Variants in TEKT5 observed in about 807,000 individuals in gnomAD.
The protein encoded by TEKT5 is tektin 5, also known as tektin-5.
In TEKT5, 52 loss-of-function variants were observed where a neutral mutation model predicts 48.7. The ratio of observed to expected loss-of-function variants is 1.07; its 90% CI spans 0.86 to 1.35. The LOEUF is 1.35. TEKT5 is among the 40% of genes most tolerant of loss of function. The pLI, the probability that TEKT5 is intolerant of heterozygous loss-of-function variation, is 0.00. For synonymous variants in TEKT5, 318 were observed against 267.6 expected (o/e 1.19, Z -1.84); for missense variants, 831 against 641.6 (o/e 1.30, Z -3.19).
At chr16:10,668,585 T>C (rs1309064668) in intron 5 of TEKT5, among the ~76,000 whole-genome samples, 1 of 152,108 alleles carries the variant, frequency 6.6e-6, no homozygotes, top group African/African-American at 2.4e-5. Flanking sequence ...GGGCCTCAGA[T>C]CACCAGCAGG....
At position 10,659,529 on chromosome 16, in the gene TEKT5, A is replaced by G. The variant is rs530601556; in HGVS notation, c.1086+16430T>C. On this transcript the variant is annotated intron_variant, in intron 5 of 6. Coordinates refer to ENST00000283025, the MANE Select transcript of TEKT5 (RefSeq NM_144674.2). ...CGAGTAGCTGGGACTACAGGTGCCC[A>G]CCACCACACTTGGCTAATTTTTTGT... is the stretch of plus-strand genomic sequence containing the variant. Among the ~76,000 whole-genome samples the G allele has an allele frequency of 5.1e-3, 777 of 152,082 alleles. 5 individuals are homozygous for G. Among genetic ancestry groups the G allele is most frequent in the Non-Finnish European group, 7.4e-3 (500 of 67,972 alleles).
At chr16:10,632,725 G>T (rs536211801) in intron 6 of TEKT5, among the ~76,000 whole-genome samples, 1 of 152,238 alleles carries the variant, frequency 6.6e-6, no homozygotes, top group South Asian at 2.1e-4. Context: ...CCAAAGGCAG[G>T]AATGGAGAGG....
chr16:10,679,723 C>A (rs1162471660), intron 4 of TEKT5, among the ~76,000 whole-genome samples: 1 of 151,686 alleles, frequency 6.6e-6, no homozygotes, highest in Non-Finnish European at 1.5e-5. Context: ...GCAGAAACCC[C>A]ATCTCTATTA....
rs767441494 is a variant in TEKT5 at position 10,689,996 on chromosome 16, C to A, written c.594G>T (p.Glu198Asp). 6.2e-7 allele frequency: 1 copy of A among 1,614,130 alleles called. No homozygotes were observed. The highest frequency in any genetic ancestry group is 2.2e-5 in the East Asian group (1 of 44,880). ...GGACCAAATCAATCCCAATCCTCTT[C>A]TCTCGATGGTACAGACACTCCAAGG... is the stretch of plus-strand genomic sequence containing the variant. ...QVALECLYHR[E>D]KRIGIDLVHD... Residue 198 changes from glutamate to aspartate, a missense_variant, in exon 2 of 7, where the codon GAG becomes GAT. Physicochemically the swap from Glu to Asp is conservative, Grantham distance 45 (BLOSUM62 2). Coordinates refer to ENST00000283025, the MANE Select transcript of TEKT5 (RefSeq NM_144674.2).
chr16:10,628,385 T>G (rs191666572), intron 6 of TEKT5, among the ~76,000 whole-genome samples: 45 of 152,336 alleles, frequency 3.0e-4, no homozygotes, highest in Admixed American at 7.2e-4. Flanking sequence ...CTCGATAAGT[T>G]AGACATAGAC....
chr16:10,668,299 G>A (rs1045271224), intron 5 of TEKT5, among the ~76,000 whole-genome samples: 10 of 152,198 alleles, frequency 6.6e-5, no homozygotes, highest in African/African-American at 2.4e-4. Flanking sequence ...TTAAAGAGAG[G>A]TCGGCATCAT....
chr16:10,692,122 G>A (rs907571745), intron 1 of TEKT5, among the ~76,000 whole-genome samples: 7 of 152,114 alleles, frequency 4.6e-5, no homozygotes, highest in African/African-American at 1.7e-4. Flanking sequence ...TTGAGATGTC[G>A]ATGGTCCCCC....
intron 5 of TEKT5, among the ~76,000 whole-genome samples, chr16:10,661,360 A>G (rs1254660891): frequency 6.6e-6 from 1 of 152,208 alleles, no homozygotes; most frequent in Non-Finnish European, 1.5e-5. Context: ...TGGTCCCTGG[A>G]CCAGCATCTT....
At chr16:10,661,770 C>T (rs1898375835) in intron 5 of TEKT5, among the ~76,000 whole-genome samples, 1 of 152,118 alleles carries the variant, frequency 6.6e-6, no homozygotes, top group African/African-American at 2.4e-5. Context: ...GTTGGGGAGC[C>T]ACCAGCCACT....
At chr16:10,681,110 C>A (rs934217063) in intron 4 of TEKT5, among the ~76,000 whole-genome samples, 3 of 150,764 alleles carry the variant, frequency 2.0e-5, no homozygotes, top group African/African-American at 7.3e-5. Context: ...CAGAAGGCAC[C>A]ACCTCATAGC....
At chr16:10,641,338 T>C (rs1596402285) in intron 5 of TEKT5, among the ~76,000 whole-genome samples, 1 of 152,140 alleles carries the variant, frequency 6.6e-6, no homozygotes, top group Non-Finnish European at 1.5e-5. Flanking sequence ...AAGAGGCTCC[T>C]ATCCCCACAC....
intron 5 of TEKT5, among the ~76,000 whole-genome samples, chr16:10,660,732 G>C (rs1348377675): frequency 6.7e-6 from 1 of 150,246 alleles, no homozygotes; most frequent in Non-Finnish European, 1.5e-5. Flanking sequence ...ACAGAGTCTT[G>C]CTCTGTTGCC....
At position 10,662,789 on chromosome 16, in the gene TEKT5, T is replaced by C. The variant is rs9938962; in HGVS notation, c.1086+13170A>G. ...CTGGAGTGGTTAGTGGTGGGGACTTTAGGCAAATCACTTTTTGTAATGAGT... is the reference window on the plus strand; with the variant it reads ...CTGGAGTGGTTAGTGGTGGGGACTTCAGGCAAATCACTTTTTGTAATGAGT... On this transcript the variant is annotated intron_variant, in intron 5 of 6. Coordinates refer to ENST00000283025, the MANE Select transcript of TEKT5 (RefSeq NM_144674.2). Among the ~76,000 whole-genome samples, 12 of 152,300 alleles carry C rather than the reference T, an allele frequency of 7.9e-5. No individual in the cohort carries two copies. In the South Asian group the frequency reaches 1.2e-3, roughly 16 times the overall value.
At chr16:10,687,854 T>C (rs1215247698) in intron 3 of TEKT5, among the ~76,000 whole-genome samples, 1 of 152,254 alleles carries the variant, frequency 6.6e-6, no homozygotes, top group Non-Finnish European at 1.5e-5. Context: ...TAAGGGTACA[T>C]AGTAGGTGTA....
At chr16:10,684,272 C>A (rs1898814750) in intron 3 of TEKT5, among the ~76,000 whole-genome samples, 1 of 152,026 alleles carries the variant, frequency 6.6e-6, no homozygotes, top group Non-Finnish European at 1.5e-5. Context: ...TGTCTCTCTG[C>A]CTTTCTCTCT....
In TEKT5 at chr16:10,650,412, T is replaced by C. The variant is rs73510005; in HGVS notation, c.1087-14494A>G. Among the ~76,000 whole-genome samples the C allele has an allele frequency of 6.9e-3, 1,045 of 151,674 alleles. 17 individuals are homozygous for C. The highest frequency in any genetic ancestry group is 0.024 in the African/African-American group (1,006 of 41,416). ...CACTGTGCCCGGTCCCCCTCCCATA[T>C]CTTTACGGGGCCTGTCTGCAGCTTT... On this transcript the variant is annotated intron_variant, in intron 5 of 6. Coordinates refer to ENST00000283025, the MANE Select transcript of TEKT5 (RefSeq NM_144674.2).
At chr16:10,677,764 T>C (rs1898673845) in intron 4 of TEKT5, among the ~76,000 whole-genome samples, 1 of 117,528 alleles carries the variant, frequency 8.5e-6, no homozygotes, top group African/African-American at 3.6e-5. Flanking sequence ...GGAGAAGAAA[T>C]CGCAGCCTCT....
intron 4 of TEKT5, among the ~76,000 whole-genome samples, chr16:10,678,675 C>T (rs149043854): frequency 2.5e-4 from 38 of 152,280 alleles, no homozygotes; most frequent in African/African-American, 8.9e-4. Context: ...ATAAGGACAG[C>T]AGAGAGAAAC....
chr16:10,670,498 G>C (rs931759027), intron 5 of TEKT5, among the ~76,000 whole-genome samples: 1 of 152,152 alleles, frequency 6.6e-6, no homozygotes, highest in Non-Finnish European at 1.5e-5. Flanking sequence ...CAGCCTGCAC[G>C]ATAGAGTGAG....
Sources: gnomAD v4.1 joint callset for allele counts (sites outside exome capture counted in the v4.1 genomes callset) on GRCh38, gnomAD v4.1.1 for gene constraint, MANE v1.5 for transcripts, NCBI Gene and HGNC (gene_info 2026-07-23, HGNC 2026-07-21) for gene names.